MYZAP: variants seen among roughly 807,000 people sequenced by gnomAD.
The protein encoded by MYZAP is myocardial zonula adherens protein.
Under a neutral mutation model 69.4 loss-of-function variants are expected in MYZAP, and 66 were observed. That is an observed-to-expected ratio of 0.95 (90% confidence interval 0.78 to 1.17). The LOEUF (loss-of-function observed/expected upper bound fraction) is 1.17, where lower values mean the gene tolerates loss of function less well. Ranked by LOEUF, MYZAP falls within the 50% of genes most tolerant of loss-of-function variation. MYZAP has a pLI of 0.00. For missense variants in MYZAP, 611 were observed against 556.2 expected (o/e 1.10, Z -0.99); for synonymous variants, 256 against 205.9 (o/e 1.24, Z -2.09).
chr15:57,636,648 T>C (rs191608241), intron 8 of MYZAP, among the ~76,000 whole-genome samples: 1 of 152,366 alleles, frequency 6.6e-6, no homozygotes, highest in African/African-American at 2.4e-5. Context: ...TTTGTTACAC[T>C]AACATCTGTA....
chr15:57,668,066 C>A (rs1019158113), intron 11 of MYZAP, among the ~76,000 whole-genome samples: 3 of 152,202 alleles, frequency 2.0e-5, no homozygotes, highest in African/African-American at 7.2e-5. Flanking sequence ...ATGCCCTCTT[C>A]TCTGTCCAGC....
At chr15:57,656,980 C>T (rs1295046577) in intron 10 of MYZAP, among the ~76,000 whole-genome samples, 1 of 152,162 alleles carries the variant, frequency 6.6e-6, no homozygotes, top group Non-Finnish European at 1.5e-5. Flanking sequence ...CAGCCCTCTG[C>T]TCTCTCATGA....
At chr15:57,682,799 C>T (rs2039510372) in intron 12 of MYZAP, among the ~76,000 whole-genome samples, 1 of 152,174 alleles carries the variant, frequency 6.6e-6, no homozygotes, top group Non-Finnish European at 1.5e-5. Flanking sequence ...TGTGTGCTCA[C>T]CCATCTCTGC....
chr15:57,630,992 C>T (rs1321713885), intron 6 of MYZAP, among the ~76,000 whole-genome samples: 2 of 152,170 alleles, frequency 1.3e-5, no homozygotes, highest in African/African-American at 4.8e-5. Flanking sequence ...TCTGTATTGC[C>T]GCCCTGGGGA....
intron 2 of MYZAP, among the ~76,000 whole-genome samples, chr15:57,616,466 C>T (rs1232387008): frequency 2.0e-5 from 3 of 152,140 alleles, no homozygotes; most frequent in South Asian, 4.1e-4. Flanking sequence ...GATGAAACCC[C>T]GTCTCTACTG....
At chr15:57,594,368 G>C (rs184022768) in intron 1 of MYZAP, among the ~76,000 whole-genome samples, 1 of 152,124 alleles carries the variant, frequency 6.6e-6, no homozygotes, top group Non-Finnish European at 1.5e-5. Context: ...CAACTGCCTC[G>C]GCCTCCCAAA....
chr15:57,594,679 G>T, intron 1 of MYZAP, among the ~76,000 whole-genome samples: 1 of 152,200 alleles, frequency 6.6e-6, no homozygotes. Flanking sequence ...ATTACGCAAC[G>T]ACAAAAATCA....
At chr15:57,664,428 T>C (rs1397433811) in intron 11 of MYZAP, among the ~76,000 whole-genome samples, 2 of 152,222 alleles carry the variant, frequency 1.3e-5, no homozygotes, top group Non-Finnish European at 2.9e-5. Context: ...TACTTGGTTT[T>C]CCTCTTTGGC....
chr15:57,667,993 T>C (rs1179470079), intron 11 of MYZAP, among the ~76,000 whole-genome samples: 1 of 152,180 alleles, frequency 6.6e-6, no homozygotes, highest in African/African-American at 2.4e-5. Context: ...TTGGTCACTA[T>C]GGATTTCCAT....
chr15:57,594,441 T>C (rs1258453549), intron 1 of MYZAP, among the ~76,000 whole-genome samples: 1 of 152,200 alleles, frequency 6.6e-6, no homozygotes, highest in Non-Finnish European at 1.5e-5. Flanking sequence ...AGTTTAATCT[T>C]GCAGGATGAG....
At chr15:57,661,952 A>G (rs373644281) in intron 11 of MYZAP, among the ~76,000 whole-genome samples, 2 of 152,238 alleles carry the variant, frequency 1.3e-5, no homozygotes, top group South Asian at 4.1e-4. Context: ...AAACAGAGGC[A>G]CAGAGAAGAC....
intron 11 of MYZAP, among the ~76,000 whole-genome samples, chr15:57,663,502 G>A (rs1466214478): frequency 1.3e-5 from 2 of 152,196 alleles, no homozygotes; most frequent in Non-Finnish European, 2.9e-5. Flanking sequence ...GTTGCCCTGA[G>A]GACAGCTGAG....
rs1375844562 is a variant in MYZAP, at chr15:57,639,486, A to T, written c.1060A>T (p.Arg354Ter). The T allele has an allele frequency of 9.3e-6, 15 of 1,614,158 alleles. No individual in the cohort carries two copies. The highest frequency in any genetic ancestry group is 1.3e-5 in the Non-Finnish European group (15 of 1,180,010). Residue 354 changes from arginine (R) to a stop codon, truncating the protein, a stop_gained, in exon 10 of 13, where the codon AGA (arginine) becomes TGA (stop). Transcript: ENST00000267853. LOFTEE classifies it high-confidence loss of function. ...EASASLRERI[R>*]HLDDMVHCQQ... ...ATCAGCCAGCCTCCGTGAGCGGATC[A>T]GACACCTAGATGACATGGTGCATTG... is the stretch of plus-strand genomic sequence containing the variant.
rs753411220 is a variant in MYZAP at position 57,639,565 on chromosome 15, C to T, written c.1119+20C>T. On this transcript the variant is annotated intron_variant, in intron 10 of 12. Coordinates refer to ENST00000267853, the MANE Select transcript of MYZAP (RefSeq NM_001018100.5). ...GAGGAGGTAAGCATCTGCAAAAGGT[C>T]ACAGGCCTGGGATTGCTTCCTGTGG... is the stretch of plus-strand genomic sequence containing the variant. 6.2e-7 allele frequency: 1 copy of T among 1,609,716 alleles called. No homozygotes were observed. Among genetic ancestry groups the T allele is most frequent in the African/African-American group, 1.3e-5 (1 of 74,998 alleles).
chr15:57,627,327 T>G (rs1390069617), intron 5 of MYZAP, among the ~76,000 whole-genome samples: 1 of 136,800 alleles, frequency 7.3e-6, no homozygotes, highest in Non-Finnish European at 1.5e-5. Flanking sequence ...AGGAGCCTTA[T>G]AGCTAAAACC....
At chr15:57,611,891 C>A (rs2035128219) in intron 2 of MYZAP, among the ~76,000 whole-genome samples, 1 of 152,070 alleles carries the variant, frequency 6.6e-6, no homozygotes, top group African/African-American at 2.4e-5. Flanking sequence ...AGGCATACAC[C>A]ACTGCGCCTG....
chr15:57,617,295 G>A (rs1299012067), intron 2 of MYZAP, among the ~76,000 whole-genome samples: 1 of 152,150 alleles, frequency 6.6e-6, no homozygotes, highest in Non-Finnish European at 1.5e-5. Flanking sequence ...GCCTATAGTA[G>A]GTTTTCAACA....
chr15:57,610,638 C>T (rs1445809830), intron 2 of MYZAP, among the ~76,000 whole-genome samples: 6 of 152,122 alleles, frequency 3.9e-5, no homozygotes, highest in Admixed American at 3.9e-4. Flanking sequence ...TAGTCTAGAG[C>T]CAGTGTTTTT....
At chr15:57,654,524 A>C (rs1362317327) in intron 10 of MYZAP, among the ~76,000 whole-genome samples, 1 of 152,116 alleles carries the variant, frequency 6.6e-6, no homozygotes, top group African/African-American at 2.4e-5. Flanking sequence ...CCAAAGCACA[A>C]TTTCTTAACA....
Sources: allele counts gnomAD v4.1 joint callset (sites outside exome capture counted in the v4.1 genomes callset), GRCh38; gene constraint gnomAD v4.1.1; transcripts MANE v1.5; gene names NCBI Gene and HGNC (gene_info 2026-07-23, HGNC 2026-07-21).